Variants in CNTN5 observed in about 807,000 individuals in gnomAD.
CNTN5 encodes contactin 5.
In CNTN5, 77 loss-of-function variants were observed where a neutral mutation model predicts 129.1. The ratio of observed to expected loss-of-function variants is 0.60; its 90% CI spans 0.50 to 0.72. CNTN5 has a LOEUF of 0.72. CNTN5 is among the 30% of genes least tolerant of loss of function. The pLI is 0.00. For synonymous variants in CNTN5, 509 were observed against 465.6 expected (o/e 1.09, Z -1.20); for missense variants, 1,478 against 1,328.8 (o/e 1.11, Z -1.75).
chr11:100,041,489 C>A (rs1022389059), intron 9 of CNTN5, among the ~76,000 whole-genome samples: 1 of 152,172 alleles, frequency 6.6e-6, no homozygotes, highest in African/African-American at 2.4e-5. Flanking sequence ...TCAGAAATTT[C>A]TCTTGGCTAC....
chr11:99,963,476 A>G lies in CNTN5; in HGVS notation c.877+6467A>G, dbSNP rs190502091. On this transcript the variant is annotated intron_variant, in intron 8 of 24. Transcript: ENST00000524871. The stretch of plus-strand genomic sequence containing the variant: ...AAAGATCAGATGATTATAGATATGC[A>G]GCATTATTTCTGAGGGCTCTGTTCT... Among the ~76,000 whole-genome samples the G allele has an allele frequency of 9.7e-4, 147 of 152,116 alleles. No homozygotes were observed. In the South Asian group the frequency reaches 0.011, roughly 12 times the overall value.
chr11:99,692,865 C>T (rs1954099093), intron 3 of CNTN5, among the ~76,000 whole-genome samples: 3 of 151,932 alleles, frequency 2.0e-5, no homozygotes, highest in Admixed American at 2.0e-4. Context: ...TTATTGATAT[C>T]ATTAGAATAG....
chr11:99,147,476 A>C (rs938202393), intron 1 of CNTN5, among the ~76,000 whole-genome samples: 1 of 152,184 alleles, frequency 6.6e-6, no homozygotes, highest in East Asian at 1.9e-4. Flanking sequence ...TTATTTCTGA[A>C]ATGTGCAGCT....
At chr11:99,775,174 T>C (rs1205885626) in intron 3 of CNTN5, among the ~76,000 whole-genome samples, 1 of 152,146 alleles carries the variant, frequency 6.6e-6, no homozygotes, top group Non-Finnish European at 1.5e-5. Context: ...TAAAAAGATT[T>C]ACCTTTGAGT....
Position 99,151,202 on chromosome 11 carries a change from C to CTT in CNTN5, c.-210+129940_-210+129941dup, listed in dbSNP as rs934465446. Among the ~76,000 whole-genome samples the CTT allele has an allele frequency of 2.1e-4, 32 of 150,830 alleles. 1 individual carries two copies. The highest frequency in any genetic ancestry group is 1.8e-3 in the Admixed American group (27 of 15,126). On this transcript the variant is annotated intron_variant, in intron 1 of 24. Coordinates refer to ENST00000524871, the MANE Select transcript of CNTN5 (RefSeq NM_014361.4). ...AGGATTAAAGCGCCTGCTTTGTCAACTTTTTTTTTAAGGTCTCCTTTTTTA... is the reference window on the plus strand; with the variant it reads ...AGGATTAAAGCGCCTGCTTTGTCAACTTTTTTTTTTTAAGGTCTCCTTTTTTA...
chr11:100,270,610 G>C (rs1218735761), intron 17 of CNTN5, among the ~76,000 whole-genome samples: 1 of 152,132 alleles, frequency 6.6e-6, no homozygotes, highest in Admixed American at 6.5e-5. Context: ...ATCACTCTAA[G>C]AATTCAATGT....
At chr11:100,178,107 C>T (rs1948027085) in intron 13 of CNTN5, among the ~76,000 whole-genome samples, 1 of 152,090 alleles carries the variant, frequency 6.6e-6, no homozygotes, top group South Asian at 2.1e-4. Flanking sequence ...TGCACTGTAG[C>T]AAAACCCTCA....
intron 1 of CNTN5, among the ~76,000 whole-genome samples, chr11:99,297,348 G>T (rs1864434070): frequency 6.6e-6 from 1 of 152,098 alleles, no homozygotes; most frequent in African/African-American, 2.4e-5. Flanking sequence ...CATCTCTCAA[G>T]TTTCCCCTTT....
chr11:99,831,686 T>G (rs1947145409), intron 4 of CNTN5, among the ~76,000 whole-genome samples: 2 of 152,164 alleles, frequency 1.3e-5, no homozygotes, highest in African/African-American at 2.4e-5. Context: ...AAGCTGGTCA[T>G]CATCAGTTGT....
intron 3 of CNTN5, among the ~76,000 whole-genome samples, chr11:99,719,908 C>A (rs1016949347): frequency 7.2e-5 from 11 of 152,138 alleles, no homozygotes; most frequent in Admixed American, 6.6e-4. Context: ...CACCTCTACA[C>A]ACACAAACTA....
intron 13 of CNTN5, among the ~76,000 whole-genome samples, chr11:100,158,782 T>A (rs1371364525): frequency 6.6e-6 from 1 of 151,918 alleles, no homozygotes; most frequent in East Asian, 1.9e-4. Flanking sequence ...TTTGGCATTA[T>A]GTTCCAAGGA....
intron 4 of CNTN5, among the ~76,000 whole-genome samples, chr11:99,829,997 T>TAA (rs1947087492): frequency 6.6e-6 from 1 of 152,180 alleles, no homozygotes; most frequent in Non-Finnish European, 1.5e-5. Context: ...GGAGTAAACT[T>TAA]AATTAAGTGT....
intron 3 of CNTN5, among the ~76,000 whole-genome samples, chr11:99,609,107 C>G (rs1319055408): frequency 6.6e-6 from 1 of 152,096 alleles, no homozygotes; most frequent in Non-Finnish European, 1.5e-5. Context: ...ATCCATATAG[C>G]TTAGAATGGA....
chr11:99,847,408 C>T (rs1415324566), intron 6 of CNTN5, among the ~76,000 whole-genome samples: 1 of 152,154 alleles, frequency 6.6e-6, no homozygotes, highest in African/African-American at 2.4e-5. Flanking sequence ...AAGCTGTCTT[C>T]AACTTGATTT....
At chr11:99,161,537 A>G (rs1860610855) in intron 1 of CNTN5, among the ~76,000 whole-genome samples, 1 of 152,140 alleles carries the variant, frequency 6.6e-6, no homozygotes, top group East Asian at 1.9e-4. Flanking sequence ...GCGAGCATGG[A>G]GAGTTGCATT....
chr11:100,082,525 T>TA (rs1456108038), intron 13 of CNTN5, among the ~76,000 whole-genome samples: 2 of 152,098 alleles, frequency 1.3e-5, no homozygotes, highest in Non-Finnish European at 2.9e-5. Flanking sequence ...TTCATGGGCT[T>TA]AAGCACTCCT....
intron 3 of CNTN5, among the ~76,000 whole-genome samples, chr11:99,674,392 T>C (rs1312748582): frequency 1.3e-5 from 2 of 152,186 alleles, no homozygotes; most frequent in Non-Finnish European, 2.9e-5. Context: ...TTTTCTCCCG[T>C]TATGTAGGTT....
chr11:99,656,642 CT>C (rs1952376634), intron 3 of CNTN5, among the ~76,000 whole-genome samples: 1 of 152,224 alleles, frequency 6.6e-6, no homozygotes, highest in South Asian at 2.1e-4. Context: ...ACCCAGGAAG[CT>C]GGCACATTTG....
chr11:100,193,710 T>TTTTGAATCAAATGTAAGACC, intron 15 of CNTN5, 47 bp downstream of exon 15: 1 of 1,550,108 alleles, frequency 6.5e-7, no homozygotes, highest in Admixed American at 2.0e-5. Flanking sequence ...ACTTTAGAAA[T>TTTTGAATCAAATGTAAGACC]TTTGAATCAA....
Sources: gnomAD v4.1 joint callset for allele counts (sites outside exome capture counted in the v4.1 genomes callset) on GRCh38, gnomAD v4.1.1 for gene constraint, MANE v1.5 for transcripts, NCBI Gene and HGNC (gene_info 2026-07-23, HGNC 2026-07-21) for gene names.